The following GMEB1 variants were observed in gnomAD, a reference collection of about 807,000 sequenced individuals.
GMEB1 encodes the protein glucocorticoid modulatory element binding protein 1, also known as glucocorticoid modulatory element-binding protein 1.
Under a neutral mutation model 52.4 loss-of-function variants are expected in GMEB1, and 6 were observed. The observed-to-expected ratio is 0.11, with a 90% CI of 0.06 to 0.23. GMEB1 has a LOEUF of 0.23. GMEB1 is among the 10% of genes least tolerant of loss of function. GMEB1 has a pLI of 1.00. For missense variants in GMEB1, 486 were observed against 685.6 expected (o/e 0.71, Z 3.25); for synonymous variants, 255 against 244.9 (o/e 1.04, Z -0.38).
rs1220567822 is a variant in GMEB1 at position 28,715,286 on chromosome 1, A to G, written c.*513A>G. ...GACTCTGCTTTGAGGGGAAGGTGGCATGCCAGCACTAGCTTAAAAAGGGAA... is the reference window on the plus strand; with the variant it reads ...GACTCTGCTTTGAGGGGAAGGTGGCGTGCCAGCACTAGCTTAAAAAGGGAA... On this transcript the variant is annotated 3_prime_UTR_variant, in exon 10 of 10. Transcript: ENST00000373816. The G allele has an allele frequency of 1.3e-5, 2 of 154,318 alleles. No homozygotes were observed. The highest frequency in any genetic ancestry group is 4.8e-5 in the African/African-American group (2 of 41,472). 9.6% of individuals were successfully genotyped at this position (154,318 alleles called of 1,614,324 possible).
rs923493550 is a variant in GMEB1 at position 28,714,068 on chromosome 1, C to G, written c.992-5C>G. 6 of 1,592,318 alleles carry G rather than the reference C, an allele frequency of 3.8e-6. No individual in the cohort carries two copies. Among genetic ancestry groups the G allele is most frequent in the Non-Finnish European group, 4.3e-6 (5 of 1,167,790 alleles). ...CTACACAAAGTCTTTTCTTTTTTTC[C>G]ATAGACTTGGAACGCCAGTTGGAGG... is the stretch of plus-strand genomic sequence containing the variant. On this transcript the variant is annotated splice_region_variant and splice_polypyrimidine_tract_variant and intron_variant, in intron 9 of 9. Transcript: ENST00000373816.
At chr1:28,702,364 T>C in intron 6 of GMEB1, 74 bp from the exon 7 acceptor site, 2 of 1,169,080 alleles carry the variant, frequency 1.7e-6, no homozygotes, top group Admixed American at 2.0e-5. Flanking sequence ...TTGTAGCTAT[T>C]GAGTATGAGA....
chr1:28,705,007 C>T (rs1438889966), intron 8 of GMEB1, among the ~76,000 whole-genome samples: 1 of 149,878 alleles, frequency 6.7e-6, no homozygotes, highest in Non-Finnish European at 1.5e-5. Flanking sequence ...CACTTGAGCC[C>T]AGCAGTTTGA....
Position 28,715,890 on chromosome 1 carries a change from G to C in GMEB1, c.*1117G>C, listed in dbSNP as rs1194501573. 1 of 151,742 alleles carries C rather than the reference G, an allele frequency of 6.6e-6. No homozygotes were observed. Among genetic ancestry groups the C allele is most frequent in the Non-Finnish European group, 1.5e-5 (1 of 67,998 alleles). 9.4% of individuals were successfully genotyped at this position (151,742 alleles called of 1,614,324 possible). A position where few individuals can be genotyped will look rare whatever the true frequency, so the allele number is the denominator to read the frequency against. On this transcript the variant is annotated 3_prime_UTR_variant, in exon 10 of 10. Coordinates refer to ENST00000373816, the MANE Select transcript of GMEB1 (RefSeq NM_001319674.2). Reference sequence around the variant, plus strand: ...GTGAATCACCTGAGGTCAGGAGTTTGAGGCCAGCCTGGCCAACATGGTGAA... The same window carrying C: ...GTGAATCACCTGAGGTCAGGAGTTTCAGGCCAGCCTGGCCAACATGGTGAA...
intron 1 of GMEB1, among the ~76,000 whole-genome samples, chr1:28,679,834 T>G (rs1015371400): frequency 6.7e-6 from 1 of 148,662 alleles, no homozygotes; most frequent in Non-Finnish European, 1.5e-5. Context: ...GCAGTTTCAC[T>G]CTTGTTGTCC....
At chr1:28,690,039 T>C in intron 2 of GMEB1, 65 bp from the exon 3 acceptor site, 2 of 1,012,088 alleles carry the variant, frequency 2.0e-6, no homozygotes, top group Non-Finnish European at 3.0e-6. Context: ...CTTAACCCCA[T>C]GCTGTGAATA....
chr1:28,678,917 GT>G (rs1442903202), intron 1 of GMEB1, among the ~76,000 whole-genome samples: 1 of 151,132 alleles, frequency 6.6e-6, no homozygotes, highest in Admixed American at 6.6e-5. Context: ...GTTTTGTTTT[GT>G]TTTGTTTTTT....
intron 6 of GMEB1, among the ~76,000 whole-genome samples, chr1:28,699,927 T>C (rs1336107596): frequency 6.6e-6 from 1 of 151,130 alleles, no homozygotes; most frequent in Non-Finnish European, 1.5e-5. Flanking sequence ...ATAAAAAAAT[T>C]AGCTGAGCAT....
chr1:28,675,030 T>G (rs1253557071), intron 1 of GMEB1, among the ~76,000 whole-genome samples: 1 of 124,318 alleles, frequency 8.0e-6, no homozygotes, highest in East Asian at 2.4e-4. Context: ...TTTTTTTTTT[T>G]TTTTTGAGAC....
chr1:28,694,540 C>T (rs1351028378), intron 5 of GMEB1, among the ~76,000 whole-genome samples: 2 of 150,792 alleles, frequency 1.3e-5, no homozygotes, highest in South Asian at 2.1e-4. Flanking sequence ...AGCCCATGTT[C>T]TGTCACTAAG....
chr1:28,686,172 C>T (rs1345467594), intron 2 of GMEB1, among the ~76,000 whole-genome samples: 1 of 151,788 alleles, frequency 6.6e-6, no homozygotes, highest in African/African-American at 2.4e-5. Flanking sequence ...GAGACCCTGT[C>T]TCTACAAAAA....
At chr1:28,682,532 G>C (rs1387429711) in intron 1 of GMEB1, among the ~76,000 whole-genome samples, 1 of 149,234 alleles carries the variant, frequency 6.7e-6, no homozygotes, top group African/African-American at 2.5e-5. Flanking sequence ...TGAGGCAGGA[G>C]AATCGCTTGA....
chr1:28,690,281 C>A, intron 3 of GMEB1, 95 bp downstream of exon 3: 2 of 615,874 alleles, frequency 3.2e-6, no homozygotes, highest in Admixed American at 3.5e-5. Flanking sequence ...GCCATCTGTG[C>A]CTTATGTTTT....
intron 5 of GMEB1, 138 bp downstream of exon 5, chr1:28,693,183 C>G: frequency 5.1e-6 from 2 of 394,534 alleles, no homozygotes; most frequent in Non-Finnish European, 9.2e-6. Context: ...CATTATTTGA[C>G]TTTAATCAAC....
At chr1:28,671,581 A>T (rs1326429150) in intron 1 of GMEB1, among the ~76,000 whole-genome samples, 1 of 151,982 alleles carries the variant, frequency 6.6e-6, no homozygotes, top group Non-Finnish European at 1.5e-5. Flanking sequence ...CTCTACAAAA[A>T]ATGACAAAAA....
At chr1:28,676,872 T>G (rs879529578) in intron 1 of GMEB1, among the ~76,000 whole-genome samples, 28 of 151,900 alleles carry the variant, frequency 1.8e-4, no homozygotes, top group Middle Eastern at 3.2e-3. Flanking sequence ...GCCAAGATGG[T>G]GAAACCCTGA....
intron 5 of GMEB1, among the ~76,000 whole-genome samples, chr1:28,693,996 ATAC>A (rs1670084535): frequency 1.3e-5 from 2 of 152,056 alleles, no homozygotes; most frequent in African/African-American, 4.8e-5. Context: ...ATATGAGTAT[ATAC>A]TATGGAATAT....
At chr1:28,688,903 C>CTTTTT (rs141260036) in intron 2 of GMEB1, among the ~76,000 whole-genome samples, 1 of 144,290 alleles carries the variant, frequency 6.9e-6, no homozygotes. Context: ...TTTTTTTTTT[C>CTTTTT]TTTTTTGAGA....
intron 1 of GMEB1, among the ~76,000 whole-genome samples, chr1:28,676,790 G>A (rs977218680): frequency 2.0e-5 from 3 of 151,858 alleles, no homozygotes; most frequent in East Asian, 1.9e-4. Flanking sequence ...TCAAGTGGCC[G>A]GGCGCCATGG....
Sources: gnomAD v4.1 joint callset for allele counts (sites outside exome capture counted in the v4.1 genomes callset) on GRCh38, gnomAD v4.1.1 for gene constraint, MANE v1.5 for transcripts, NCBI Gene and HGNC (gene_info 2026-07-23, HGNC 2026-07-21) for gene names.